M1AP: variants seen among roughly 807,000 people sequenced by gnomAD.
M1AP encodes meiosis 1 associated protein.
M1AP carries 39 observed loss-of-function variants against 51.2 expected under a neutral mutation model. That is an observed-to-expected ratio of 0.76 (90% CI 0.59 to 1.00). The LOEUF is 1.00. M1AP is among the 50% of genes least tolerant of loss of function. M1AP has a pLI of 0.00. For synonymous variants in M1AP, 251 were observed against 249.2 expected (o/e 1.01, Z -0.07); for missense variants, 545 against 641.2 (o/e 0.85, Z 1.62).
chr2:74,568,639 GC>G (rs1678537776), intron 7 of M1AP, among the ~76,000 whole-genome samples: 2 of 152,202 alleles, frequency 1.3e-5, no homozygotes, highest in Admixed American at 1.3e-4. Flanking sequence ...AAACACATTT[GC>G]CAAATATTAG....
At position 74,637,667 on chromosome 2, in the gene M1AP, T is replaced by G. The variant is rs114197593; in HGVS notation, c.240+2369A>C. On this transcript the variant is annotated intron_variant, in intron 2 of 10. Coordinates refer to ENST00000421985, the MANE Select transcript of M1AP (RefSeq NM_001321739.2). ...AGTCTTGGGCTATTTTATGCCCTAC[T>G]ACTGAGGCAAGATCTTTGTGAGTCC... 5.2e-3 allele frequency among the ~76,000 whole-genome samples: 786 copies of G among 152,334 alleles called. 8 individuals carry two copies. Among genetic ancestry groups the G allele is most frequent in the African/African-American group, 0.016 (686 of 41,582 alleles).
At chr2:74,575,290 T>C in intron 7 of M1AP, 148 bp downstream of exon 7, 1 of 1,450,984 alleles carries the variant, frequency 6.9e-7, no homozygotes, top group Non-Finnish European at 9.1e-7. Context: ...AAGTCATATT[T>C]ACTCCAAATT....
Position 74,586,360 on chromosome 2 carries a change from G to C in M1AP, c.596-4513C>G, listed in dbSNP as rs182033473. On this transcript the variant is annotated intron_variant, in intron 4 of 10. Transcript: ENST00000421985. ...GCTTAGCAAATGCCTGAGTTGAACAGTGACTCCCTCCTCCTCAGCTCTCAT... is the reference window on the plus strand; with the variant it reads ...GCTTAGCAAATGCCTGAGTTGAACACTGACTCCCTCCTCCTCAGCTCTCAT... 1.2e-3 allele frequency among the ~76,000 whole-genome samples: 182 copies of C among 152,314 alleles called. 1 individual carries two copies. The Middle Eastern group carries it at 0.014, about 11-fold the overall frequency.
chr2:74,609,117 G>T (rs1681180160), intron 3 of M1AP, among the ~76,000 whole-genome samples: 1 of 152,094 alleles, frequency 6.6e-6, no homozygotes, highest in Admixed American at 6.5e-5. Flanking sequence ...ATACATTACT[G>T]TTAACTATAG....
Position 74,615,158 on chromosome 2 carries a change from A to C in M1AP, c.241-9T>G. ...AAGTTCCCTTTCACTTGCTGCAGAG[A>C]AAAACGAATCAAAGACACAAGTCTT... is the stretch of plus-strand genomic sequence containing the variant. On this transcript the variant is annotated splice_polypyrimidine_tract_variant and intron_variant, in intron 2 of 10. Transcript: ENST00000421985. The C allele has an allele frequency of 6.2e-7, 1 of 1,613,424 alleles. No homozygotes were observed. The highest frequency in any genetic ancestry group is 1.1e-5 in the South Asian group (1 of 91,060).
chr2:74,642,089 C>T (rs1683328752), intron 1 of M1AP, among the ~76,000 whole-genome samples: 1 of 151,562 alleles, frequency 6.6e-6, no homozygotes, highest in Non-Finnish European at 1.5e-5. Flanking sequence ...CTCGGCCTCC[C>T]AAAGTGCTGG....
intron 4 of M1AP, among the ~76,000 whole-genome samples, chr2:74,603,875 G>A (rs1256234814): frequency 6.6e-6 from 1 of 152,168 alleles, no homozygotes; most frequent in African/African-American, 2.4e-5. Context: ...GAGGAAGAGT[G>A]AAGTCATCTG....
intron 4 of M1AP, among the ~76,000 whole-genome samples, chr2:74,586,012 T>G (rs970103636): frequency 6.6e-6 from 1 of 152,218 alleles, no homozygotes; most frequent in African/African-American, 2.4e-5. Context: ...TACTCATTAT[T>G]CTACAAGTAC....
intron 4 of M1AP, among the ~76,000 whole-genome samples, chr2:74,583,676 T>G (rs1199204248): frequency 6.6e-6 from 1 of 152,232 alleles, no homozygotes; most frequent in African/African-American, 2.4e-5. Flanking sequence ...TTAGCTTCTG[T>G]GTATGACTCA....
chr2:74,563,872 T>G (rs1217300663), intron 7 of M1AP, among the ~76,000 whole-genome samples: 3 of 152,156 alleles, frequency 2.0e-5, no homozygotes, highest in Non-Finnish European at 4.4e-5. Context: ...AAATGAGCCA[T>G]GAAAATGAGG....
At chr2:74,626,443 G>A (rs1046964297) in intron 2 of M1AP, among the ~76,000 whole-genome samples, 6 of 151,964 alleles carry the variant, frequency 3.9e-5, no homozygotes, top group African/African-American at 1.4e-4. Context: ...ATTTTTTGTA[G>A]AGATGAGGTC....
chr2:74,584,304 G>A (rs1339406173), intron 4 of M1AP, among the ~76,000 whole-genome samples: 2 of 151,814 alleles, frequency 1.3e-5, no homozygotes, highest in African/African-American at 2.4e-5. Flanking sequence ...ATAAAGTGGC[G>A]GCTACTAAAG....
rs1310371456 is a variant in M1AP, at chr2:74,612,820, G to A, written c.426+2144C>T. Among the ~76,000 whole-genome samples, 6 of 152,262 alleles carry A rather than the reference G, an allele frequency of 3.9e-5. No homozygotes were observed. The East Asian group carries it at 1.2e-3, about 29-fold the overall frequency. On this transcript the variant is annotated intron_variant, in intron 3 of 10. Transcript: ENST00000421985. The stretch of plus-strand genomic sequence containing the variant: ...TTCTCTGAGCTTCCTGGATCTGTGG[G>A]TTGGTGTCTGACTTTAAGAAATTCT...
At chr2:74,585,168 T>A (rs1164051788) in intron 4 of M1AP, among the ~76,000 whole-genome samples, 1 of 152,060 alleles carries the variant, frequency 6.6e-6, no homozygotes, top group African/African-American at 2.4e-5. Flanking sequence ...AAAGAATGAA[T>A]GTGTCTATTG....
At chr2:74,592,800 T>G (rs1680122399) in intron 4 of M1AP, among the ~76,000 whole-genome samples, 1 of 152,230 alleles carries the variant, frequency 6.6e-6, no homozygotes, top group Non-Finnish European at 1.5e-5. Context: ...TTTGGATCCC[T>G]GGTCCATTTG....
At chr2:74,624,645 T>C (rs1448768700) in intron 2 of M1AP, among the ~76,000 whole-genome samples, 2 of 152,230 alleles carry the variant, frequency 1.3e-5, no homozygotes, top group African/African-American at 4.8e-5. Flanking sequence ...TTTTAATATT[T>C]ATGTGTTTTG....
At chr2:74,627,874 C>T (rs531651237) in intron 2 of M1AP, among the ~76,000 whole-genome samples, 16 of 152,280 alleles carry the variant, frequency 1.1e-4, no homozygotes, top group African/African-American at 3.4e-4. Flanking sequence ...AAATCACTCA[C>T]TCTTACCATG....
chr2:74,603,372 C>A (rs554206003), intron 4 of M1AP, among the ~76,000 whole-genome samples: 3 of 152,100 alleles, frequency 2.0e-5, no homozygotes, highest in Admixed American at 2.0e-4. Flanking sequence ...ACAATTTAGG[C>A]GAGAAGACAC....
At chr2:74,565,674 C>A (rs906040099) in intron 7 of M1AP, among the ~76,000 whole-genome samples, 5 of 151,740 alleles carry the variant, frequency 3.3e-5, no homozygotes, top group Non-Finnish European at 7.4e-5. Context: ...TAAAAAAATA[C>A]AAAAATTAGC....
Sources: allele counts gnomAD v4.1 joint callset (sites outside exome capture counted in the v4.1 genomes callset), GRCh38; gene constraint gnomAD v4.1.1; transcripts MANE v1.5; gene names NCBI Gene and HGNC (gene_info 2026-07-23, HGNC 2026-07-21).